Variants in C5 observed in about 807,000 individuals in gnomAD.
C5 encodes complement C5.
C5 carries 140 observed loss-of-function variants against 218.8 expected under a neutral mutation model. The ratio of observed to expected loss-of-function variants is 0.64; its 90% confidence interval spans 0.56 to 0.74. C5 has a LOEUF of 0.74. Ranked by LOEUF, C5 falls within the 30% of genes least tolerant of loss-of-function variation. The probability of loss-of-function intolerance (pLI) is 0.00; values close to 1 mark genes in which losing one functional copy is unlikely to be tolerated. For missense variants in C5, 1,700 were observed against 1,969.6 expected (o/e 0.86, Z 2.59); for synonymous variants, 614 against 682.3 (o/e 0.90, Z 1.56).
chr9:121,060,265 G>A, the C5 span, among the ~76,000 whole-genome samples: 1 of 152,294 alleles, frequency 6.6e-6, no homozygotes, highest in South Asian at 2.1e-4. Context: ...CCCAAAGAAA[G>A]CTGGAATAAT....
chr9:120,993,508 C>T (rs966427112), intron 22 of C5, among the ~76,000 whole-genome samples: 8 of 152,156 alleles, frequency 5.3e-5, no homozygotes, highest in South Asian at 2.1e-4. Context: ...CTGCAAGCTC[C>T]GCCTCCCGGG....
chr9:120,980,131 G>A lies in C5; in HGVS notation c.3610C>T (p.Gln1204Ter). 1 of 1,614,122 alleles carries A rather than the reference G, an allele frequency of 6.2e-7. No homozygotes were observed. The highest frequency in any genetic ancestry group is 1.7e-5 in the Admixed American group (1 of 60,020). Residue 1204 changes from glutamine (Q) to a stop codon, truncating the protein, a stop_gained, in exon 28 of 41, where the codon CAG becomes TAG. Transcript: ENST00000223642. LOFTEE classifies it high-confidence loss of function. ...ALSLGDKTHPQFRSIVSALKR... is the reference protein window; with the variant it reads ...ALSLGDKTHP ...AAAGCTGAAACAATTGAACGAAACT[G>A]TGGGTGAGTTTTATCTCCCAGGGAA...
intron 7 of C5, among the ~76,000 whole-genome samples, chr9:121,029,250 C>T (rs573176517): frequency 2.0e-5 from 3 of 152,176 alleles, no homozygotes; most frequent in Admixed American, 1.3e-4. Flanking sequence ...CTCAAGTGAG[C>T]CTTTTATGCT....
intron 39 of C5, 36 bp from the exon 40 acceptor site, chr9:120,953,904 T>C (rs2046766248): frequency 1.9e-6 from 3 of 1,611,228 alleles, no homozygotes; most frequent in Admixed American, 1.7e-5. Flanking sequence ...GTTATACCAT[T>C]CATGTTTTAA....
At chr9:121,041,191 G>A (rs990940730) in intron 3 of C5, among the ~76,000 whole-genome samples, 32 of 150,850 alleles carry the variant, frequency 2.1e-4, no homozygotes, top group African/African-American at 6.3e-4. Flanking sequence ...TGATCCACCC[G>A]CCTGGGCTTC....
At chr9:121,051,420 G>C (rs1015280275), upstream of C5, among the ~76,000 whole-genome samples, 2 of 151,874 alleles carry the variant, frequency 1.3e-5, no homozygotes. Flanking sequence ...CACTGTGCCT[G>C]GCTGATTTTT....
Position 120,960,251 on chromosome 9 carries a change from A to G in C5, c.4675T>C (p.Tyr1559His). 1 of 1,605,020 alleles carries G rather than the reference A, an allele frequency of 6.2e-7. No individual in the cohort carries two copies. Among genetic ancestry groups the G allele is most frequent in the African/African-American group, 1.3e-5 (1 of 74,856 alleles). Residue 1559 changes from tyrosine to histidine, a missense_variant, in exon 38 of 41, where the codon TAT becomes CAT. Tyr to His is a moderately conservative substitution (Grantham distance 83). Transcript: ENST00000223642. ...KQTACKPEIAYAYKVSITSIT... is the reference protein window; with the variant it reads ...KQTACKPEIAHAYKVSITSIT... ...TATATTGAACTTTTGAACTCACCAT[A>G]TGCAATCTCTGGTTTACATGCTGTT...
chr9:121,031,030 G>A (rs1484749159), intron 6 of C5, among the ~76,000 whole-genome samples: 1 of 152,084 alleles, frequency 6.6e-6, no homozygotes, highest in African/African-American at 2.4e-5. Context: ...ATATGTTACA[G>A]AGAGCCTGTA....
At chr9:121,020,296 C>T (rs2047353376) in intron 11 of C5, 117 bp from the exon 12 acceptor site, 6 of 853,920 alleles carry the variant, frequency 7.0e-6, no homozygotes, top group Admixed American at 4.0e-5. Context: ...ATAACAAATG[C>T]TAAAGGGGAA....
intron 25 of C5, among the ~76,000 whole-genome samples, chr9:120,987,883 C>G (rs1478664170): frequency 6.6e-6 from 1 of 151,878 alleles, no homozygotes; most frequent in Non-Finnish European, 1.5e-5. Context: ...ACCCTTGCCT[C>G]CTGGGTTTAA....
chr9:121,000,161 G>A (rs977916434), intron 20 of C5: 51 of 184,428 alleles, frequency 2.8e-4, no homozygotes, highest in Non-Finnish European at 5.7e-5. Context: ...ATAAATTGCT[G>A]ACCCTTGATT....
At chr9:121,002,013 G>A (rs1410274246) in intron 20 of C5, among the ~76,000 whole-genome samples, 5 of 151,336 alleles carry the variant, frequency 3.3e-5, no homozygotes, top group African/African-American at 1.2e-4. Context: ...TACCCACCAT[G>A]TGAATTACTG....
chr9:121,056,366 G>A, the C5 span, among the ~76,000 whole-genome samples: 2 of 152,154 alleles, frequency 1.3e-5, no homozygotes, highest in Non-Finnish European at 2.9e-5. Context: ...AGACAACAGT[G>A]AAGAAATTCA....
At chr9:120,984,110 G>C (rs1429289418) in intron 25 of C5, among the ~76,000 whole-genome samples, 2 of 151,990 alleles carry the variant, frequency 1.3e-5, no homozygotes, top group Non-Finnish European at 1.5e-5. Flanking sequence ...ATAGTATTTT[G>C]GTACAGATGC....
chr9:121,018,252 CAAAAAA>C (rs1189613789), intron 12 of C5, among the ~76,000 whole-genome samples: 18 of 42,204 alleles, frequency 4.3e-4, no homozygotes, highest in Admixed American at 1.2e-3. Flanking sequence ...GACTCTGTCT[CAAAAAA>C]AAAAAAAAAA....
chr9:121,023,464 G>A lies in C5; in HGVS notation c.1056C>T (p.Tyr352=), dbSNP rs370432265. Residue 352 remains tyrosine, a synonymous_variant, in exon 10 of 41, where the codon TAC becomes TAT. Transcript: ENST00000223642. The part of the protein sequence containing the change: ...IPGIKYVLSP[Y]KLNLVATPLF... Reference sequence around the variant, plus strand: ...GAGGAGTAGCAACCAAATTCAGTTTGTAGGGAGAGAGGACATATTTGATGC... The same window carrying A: ...GAGGAGTAGCAACCAAATTCAGTTTATAGGGAGAGAGGACATATTTGATGC... The A allele has an allele frequency of 4.7e-5, 76 of 1,614,010 alleles. No individual in the cohort carries two copies. In the South Asian group the frequency reaches 6.6e-4, roughly 14 times the overall value.
intron 1 of C5, 92 bp from the exon 2 acceptor site, chr9:121,046,475 T>C: frequency 1.2e-6 from 1 of 837,974 alleles, no homozygotes; most frequent in Non-Finnish European, 2.0e-6. Flanking sequence ...GAGATTCCAT[T>C]TAAAATACAT....
chr9:121,066,862 G>GAAA, the C5 span, among the ~76,000 whole-genome samples: 51 of 134,986 alleles, frequency 3.8e-4, 1 homozygote, highest in African/African-American at 9.9e-4. Flanking sequence ...CTCAAAAAAA[G>GAAA]AAAAAAAAAA....
the C5 span, among the ~76,000 whole-genome samples, chr9:121,061,005 C>T: frequency 6.6e-5 from 10 of 152,016 alleles, no homozygotes; most frequent in Non-Finnish European, 4.4e-5. Flanking sequence ...CTGGCCAACA[C>T]GGTAAAACCT....
Sources: gnomAD v4.1 joint callset for allele counts (sites outside exome capture counted in the v4.1 genomes callset) on GRCh38, gnomAD v4.1.1 for gene constraint, MANE v1.5 for transcripts, NCBI Gene and HGNC (gene_info 2026-07-23, HGNC 2026-07-21) for gene names.